Variants in P4HA1 observed in about 807,000 individuals in gnomAD.
P4HA1 encodes prolyl 4-hydroxylase subunit alpha-1.
In P4HA1, 24 loss-of-function variants were observed where a neutral mutation model predicts 72.8. That is an observed-to-expected ratio of 0.33 (90% CI 0.24 to 0.46). P4HA1 has a LOEUF of 0.46. P4HA1 is among the 20% of genes least tolerant of loss of function. The pLI, the probability that P4HA1 is intolerant of heterozygous loss-of-function variation, is 1.00. For synonymous variants in P4HA1, 201 were observed against 218.8 expected, an observed-to-expected ratio of 0.92 and a Z score of 0.72; for missense variants, 446 against 640.6, an observed-to-expected ratio of 0.70 and a Z score of 3.28.
At chr10:73,077,560 CTTACA>C (rs944300640) in intron 1 of P4HA1, among the ~76,000 whole-genome samples, 45 of 152,082 alleles carry the variant, frequency 3.0e-4, no homozygotes, top group African/African-American at 1.0e-3. Flanking sequence ...ATATCTTTAC[CTTACA>C]TAATGTTTCA....
At chr10:73,061,757 C>A (rs542409795) in intron 5 of P4HA1, among the ~76,000 whole-genome samples, 2 of 151,732 alleles carry the variant, frequency 1.3e-5, no homozygotes, top group Non-Finnish European at 2.9e-5. Context: ...TAAAGTGAGA[C>A]CCTGTCTCTA....
At chr10:73,072,828 T>A (rs1841596267) in intron 3 of P4HA1, among the ~76,000 whole-genome samples, 1 of 152,184 alleles carries the variant, frequency 6.6e-6, no homozygotes. Context: ...GCAGGTGGCT[T>A]GACTAAGAGG....
intron 10 of P4HA1, among the ~76,000 whole-genome samples, chr10:73,018,995 G>A (rs141159172): frequency 9.2e-5 from 14 of 152,202 alleles, no homozygotes; most frequent in Non-Finnish European, 1.6e-4. Context: ...CTTGCACCTG[G>A]ATTGCAGCAC....
At chr10:73,065,082 TCTA>T (rs377749606) in intron 5 of P4HA1, 2 of 152,314 alleles carry the variant, frequency 1.3e-5, no homozygotes, top group African/African-American at 4.8e-5. Flanking sequence ...GTCTGGAGAA[TCTA>T]CTGTTTGCTA....
chr10:73,074,758 G>T (rs370318997), intron 2 of P4HA1, 50 bp downstream of exon 2: 2 of 963,904 alleles, frequency 2.1e-6, no homozygotes, highest in Non-Finnish European at 3.4e-6. Context: ...CTAAAAAATG[G>T]AAATTAAAAA....
At chr10:73,061,752 T>G (rs1181817903) in intron 5 of P4HA1, among the ~76,000 whole-genome samples, 2 of 152,024 alleles carry the variant, frequency 1.3e-5, no homozygotes, top group African/African-American at 2.4e-5. Flanking sequence ...AGCAATAAAG[T>G]GAGACCCTGT....
At chr10:73,087,733 C>A (rs1841952415) in intron 1 of P4HA1, among the ~76,000 whole-genome samples, 1 of 152,090 alleles carries the variant, frequency 6.6e-6, no homozygotes, top group Non-Finnish European at 1.5e-5. Flanking sequence ...TTCAAGCAAT[C>A]CTCCAGTCTT....
chr10:73,083,085 C>G lies in P4HA1; in HGVS notation c.-32-8170G>C, dbSNP rs754474599. ...AGACTAATCTCAGATTATGTCAAAA[C>G]TTGGCATGTCTTTTCCATCTTAACA... On this transcript the variant is annotated intron_variant, in intron 1 of 14. Transcript: ENST00000394890. 2.0e-5 allele frequency among the ~76,000 whole-genome samples: 3 copies of G among 152,118 alleles called. 1 individual carries two copies. Among genetic ancestry groups the G allele is most frequent in the Non-Finnish European group, 4.4e-5 (3 of 68,042 alleles).
chr10:73,096,460 G>A (rs1453543259), intron 1 of P4HA1, among the ~76,000 whole-genome samples: 1 of 152,088 alleles, frequency 6.6e-6, no homozygotes, highest in African/African-American at 2.4e-5. Flanking sequence ...TCCCCGGGAA[G>A]GAAAATTCAA....
chr10:73,012,941 G>A (rs1839940422), intron 12 of P4HA1, among the ~76,000 whole-genome samples: 1 of 151,996 alleles, frequency 6.6e-6, no homozygotes. Context: ...TACTACAGGT[G>A]TGTGCCACCA....
chr10:73,038,355 TC>T (rs1455515407), intron 9 of P4HA1, among the ~76,000 whole-genome samples: 9 of 152,256 alleles, frequency 5.9e-5, no homozygotes, highest in Admixed American at 1.3e-4. Flanking sequence ...TTGTAGGAAA[TC>T]ATCACTTCAG....
intron 1 of P4HA1, among the ~76,000 whole-genome samples, chr10:73,080,726 A>T (rs1458467642): frequency 6.6e-6 from 1 of 152,138 alleles, no homozygotes. Flanking sequence ...CAGGAGTTTG[A>T]GACCAGCCTG....
intron 1 of P4HA1, among the ~76,000 whole-genome samples, chr10:73,092,056 A>G (rs1299217815): frequency 6.6e-6 from 1 of 152,182 alleles, no homozygotes; most frequent in Non-Finnish European, 1.5e-5. Flanking sequence ...CTAGTCTTCA[A>G]TTATCTGTTT....
At chr10:73,045,312 A>G (rs1388741007) in intron 8 of P4HA1, among the ~76,000 whole-genome samples, 1 of 151,948 alleles carries the variant, frequency 6.6e-6, no homozygotes, top group African/African-American at 2.4e-5. Flanking sequence ...ATTTCTTTCA[A>G]TGGTGAAAGG....
intron 9 of P4HA1, among the ~76,000 whole-genome samples, chr10:73,042,666 G>A (rs1303029194): frequency 2.1e-5 from 3 of 145,938 alleles, no homozygotes; most frequent in Non-Finnish European, 3.0e-5. Flanking sequence ...TTTTCTTGAT[G>A]TTATAGTTTC....
chr10:73,050,979 G>A, intron 7 of P4HA1, 74 bp downstream of exon 7: 1 of 1,031,558 alleles, frequency 9.7e-7, no homozygotes, highest in Non-Finnish European at 1.5e-6. Flanking sequence ...TAAAATAACT[G>A]ATTCTCTCCA....
chr10:73,033,667 G>T (rs1195282216), intron 9 of P4HA1, among the ~76,000 whole-genome samples: 2 of 152,132 alleles, frequency 1.3e-5, no homozygotes, highest in Non-Finnish European at 2.9e-5. Context: ...ATGGGACACT[G>T]GTTATCTACA....
chr10:73,011,096 T>TTA, intron 12 of P4HA1, 59 bp from the exon 13 acceptor site: 1 of 1,241,306 alleles, frequency 8.1e-7, no homozygotes, highest in Non-Finnish European at 1.2e-6. Flanking sequence ...AAACATGCCA[T>TTA]TATATAGACT....
At chr10:73,037,911 G>T (rs1840636924) in intron 9 of P4HA1, among the ~76,000 whole-genome samples, 1 of 151,622 alleles carries the variant, frequency 6.6e-6, no homozygotes, top group South Asian at 2.1e-4. Context: ...ATACTAATTT[G>T]CTCCTTAGTA....
Sources: gnomAD v4.1 joint callset for allele counts (sites outside exome capture counted in the v4.1 genomes callset) on GRCh38, gnomAD v4.1.1 for gene constraint, MANE v1.5 for transcripts, NCBI Gene and HGNC (gene_info 2026-07-23, HGNC 2026-07-21) for gene names.